Variants in FAM24B observed in about 807,000 individuals in gnomAD.
FAM24B encodes protein FAM24B.
Under a neutral mutation model 2.3 loss-of-function variants are expected in FAM24B, and 3 were observed. The observed-to-expected ratio is 1.29, with a 90% CI of 0.59 to 3.32. The LOEUF (loss-of-function observed/expected upper bound fraction) is 3.32, where lower values mean the gene tolerates loss of function less well. FAM24B is among the 30% of genes most tolerant of loss of function. The pLI is 0.03. For synonymous variants in FAM24B, 36 were observed against 46.3 expected, an observed-to-expected ratio of 0.78 and a Z score of 0.90; for missense variants, 98 against 117.2, an observed-to-expected ratio of 0.84 and a Z score of 0.76.
intron 1 of FAM24B, among the ~76,000 whole-genome samples, chr10:122,858,707 T>G (rs1847679975): frequency 6.6e-6 from 1 of 151,074 alleles, no homozygotes; most frequent in South Asian, 2.1e-4. Flanking sequence ...CCACAGAGAG[T>G]GGTTACCCAG....
chr10:122,865,682 T>A (rs972673014), intron 1 of FAM24B, among the ~76,000 whole-genome samples: 2 of 152,162 alleles, frequency 1.3e-5, no homozygotes, highest in Non-Finnish European at 2.9e-5. Flanking sequence ...TAAAACTGCA[T>A]AAAATTTGTA....
At chr10:122,865,307 AT>A (rs976671664) in intron 1 of FAM24B, among the ~76,000 whole-genome samples, 12 of 151,932 alleles carry the variant, frequency 7.9e-5, no homozygotes, top group African/African-American at 2.7e-4. Flanking sequence ...AGTTTGCTGA[AT>A]TTTTTTTATG....
intron 2 of FAM24B, 192 bp from the exon 3 acceptor site, chr10:122,850,742 A>G: frequency 2.0e-6 from 1 of 489,540 alleles, no homozygotes; most frequent in Non-Finnish European, 3.7e-6. Flanking sequence ...AGAAATAAAA[A>G]AAGTCAGTTT....
intron 1 of FAM24B, among the ~76,000 whole-genome samples, chr10:122,867,249 C>G (rs1033828235): frequency 6.6e-6 from 1 of 152,142 alleles, no homozygotes; most frequent in African/African-American, 2.4e-5. Flanking sequence ...GGGGGAGGGA[C>G]GCCCACCATT....
chr10:122,850,379 T>A (rs199750474), intron 3 of FAM24B, 45 bp downstream of exon 3: 1 of 1,492,672 alleles, frequency 6.7e-7, no homozygotes, highest in Non-Finnish European at 9.4e-7. Flanking sequence ...CTTTTCCCCA[T>A]GTGACTCACT....
chr10:122,866,750 G>A (rs555820584), intron 1 of FAM24B, among the ~76,000 whole-genome samples: 60 of 152,156 alleles, frequency 3.9e-4, no homozygotes, highest in Non-Finnish European at 6.6e-4. Context: ...TCCACTGACT[G>A]CCATTCCCTC....
intron 1 of FAM24B, among the ~76,000 whole-genome samples, chr10:122,863,529 G>C (rs1463021396): frequency 6.6e-6 from 1 of 152,172 alleles, no homozygotes; most frequent in African/African-American, 2.4e-5. Flanking sequence ...AGTCTTTTTA[G>C]AACAGTTTTC....
chr10:122,859,647 A>C (rs1190229675), intron 1 of FAM24B, among the ~76,000 whole-genome samples: 1 of 152,202 alleles, frequency 6.6e-6, no homozygotes, highest in Non-Finnish European at 1.5e-5. Flanking sequence ...AGGAACCTAG[A>C]AAACAAACTC....
chr10:122,861,281 T>C (rs1847721890), intron 1 of FAM24B, among the ~76,000 whole-genome samples: 1 of 152,222 alleles, frequency 6.6e-6, no homozygotes, highest in Admixed American at 6.5e-5. Flanking sequence ...TTGAAAATTT[T>C]TCAAAAATCA....
intron 1 of FAM24B, among the ~76,000 whole-genome samples, chr10:122,858,534 CTAGAACT>C (rs1049324621): frequency 8.6e-5 from 13 of 151,980 alleles, no homozygotes; most frequent in Admixed American, 7.2e-4. Context: ...CATATGTACC[CTAGAACT>C]TAAAGTGTAA....
At chr10:122,868,129 G>T (rs1188892436) in intron 1 of FAM24B, among the ~76,000 whole-genome samples, 1 of 152,154 alleles carries the variant, frequency 6.6e-6, no homozygotes, top group Non-Finnish European at 1.5e-5. Context: ...CATGGCACGA[G>T]AACTACGTGA....
At chr10:122,872,992 T>C (rs1847921494) in intron 1 of FAM24B, among the ~76,000 whole-genome samples, 1 of 151,996 alleles carries the variant, frequency 6.6e-6, no homozygotes, top group Non-Finnish European at 1.5e-5. Flanking sequence ...TAGAGGTCAG[T>C]TCATGAGGTT....
In FAM24B at chr10:122,872,874, CATGTATACGT is replaced by C. The variant is rs1342028991; in HGVS notation, c.-178+6601_-178+6610del. 3.9e-5 allele frequency among the ~76,000 whole-genome samples: 6 copies of C among 152,214 alleles called. No individual in the cohort carries two copies. In the East Asian group the frequency reaches 1.2e-3, roughly 29 times the overall value. ...ATGGGTGCAGCACACCAACATGGCA[CATGTATACGT>C]ATGTAACAAACCTGCATGTTGTGCA... On this transcript the variant is annotated intron_variant, in intron 1 of 3. Transcript: ENST00000368898.
intron 1 of FAM24B, among the ~76,000 whole-genome samples, chr10:122,862,345 C>A (rs894713883): frequency 2.0e-5 from 3 of 151,966 alleles, no homozygotes; most frequent in Non-Finnish European, 2.9e-5. Flanking sequence ...CAACATGGAC[C>A]GTCTCTCATG....
chr10:122,852,622 C>T (rs1847560924), intron 2 of FAM24B, among the ~76,000 whole-genome samples: 1 of 152,150 alleles, frequency 6.6e-6, no homozygotes, highest in African/African-American at 2.4e-5. Context: ...TGGAAAGTTG[C>T]CCCATTATCT....
At chr10:122,878,493 C>T (rs1016665715) in intron 1 of FAM24B, among the ~76,000 whole-genome samples, 1 of 152,016 alleles carries the variant, frequency 6.6e-6, no homozygotes, top group African/African-American at 2.4e-5. Flanking sequence ...GATCACACCA[C>T]TGTACTCCAG....
rs1441339117 is a variant in FAM24B, at chr10:122,874,515, C to A, written c.-178+4970G>T. Among the ~76,000 whole-genome samples the A allele has an allele frequency of 1.2e-4, 18 of 152,256 alleles. No individual in the cohort carries two copies. The East Asian group carries it at 2.5e-3, about 21-fold the overall frequency. ...TCTCCTTCACTTCTGAAAGGTAATT[C>A]TTGTGGATACATTCTAGGTTGGTGT... On this transcript the variant is annotated intron_variant, in intron 1 of 3. Coordinates refer to ENST00000368898, the MANE Select transcript of FAM24B (RefSeq NM_152644.3).
chr10:122,850,644 A>C (rs1399235441), intron 2 of FAM24B, 94 bp from the exon 3 acceptor site: 7 of 708,148 alleles, frequency 9.9e-6, no homozygotes, highest in Non-Finnish European at 1.8e-5. Flanking sequence ...GGAAGAAGAA[A>C]CCCCAAACAC....
intron 1 of FAM24B, among the ~76,000 whole-genome samples, chr10:122,868,587 G>C (rs559844379): frequency 2.0e-5 from 3 of 151,942 alleles, no homozygotes; most frequent in African/African-American, 7.3e-5. Context: ...CTGATCTCTC[G>C]GCAGAAACTC....
Sources: gnomAD v4.1 joint callset for allele counts (sites outside exome capture counted in the v4.1 genomes callset) on GRCh38, gnomAD v4.1.1 for gene constraint, MANE v1.5 for transcripts, NCBI Gene and HGNC (gene_info 2026-07-23, HGNC 2026-07-21) for gene names.